The following CCPG1 variants were observed in gnomAD, a reference collection of about 807,000 sequenced individuals.
The protein encoded by CCPG1 is cell cycle progression protein 1.
Under a neutral mutation model 81.3 loss-of-function variants are expected in CCPG1, and 46 were observed. The observed-to-expected ratio is 0.57, with a 90% CI of 0.45 to 0.72. The LOEUF is 0.72. Ranked by LOEUF, CCPG1 falls within the 30% of genes least tolerant of loss-of-function variation. The pLI is 0.00. For missense variants in CCPG1, 902 were observed against 937.6 expected (o/e 0.96, Z 0.50); for synonymous variants, 330 against 305.2 (o/e 1.08, Z -0.85).
intron 6 of CCPG1, among the ~76,000 whole-genome samples, chr15:55,367,854 C>G (rs1013082033): frequency 2.6e-5 from 4 of 152,066 alleles, no homozygotes. Context: ...ACTGTTATTC[C>G]AATTGTCAAG....
intron 3 of CCPG1, among the ~76,000 whole-genome samples, chr15:55,385,168 C>G (rs916973287): frequency 6.6e-6 from 1 of 152,080 alleles, no homozygotes; most frequent in Non-Finnish European, 1.5e-5. Flanking sequence ...TGAAGTTTTT[C>G]TTTGTTTGTT....
At chr15:55,382,796 A>C (rs2056727555) in intron 3 of CCPG1, among the ~76,000 whole-genome samples, 1 of 152,036 alleles carries the variant, frequency 6.6e-6, no homozygotes, top group South Asian at 2.1e-4. Context: ...GGCATGAGCC[A>C]CCACACCCGA....
At chr15:55,376,707 A>C (rs2056573412) in intron 5 of CCPG1, among the ~76,000 whole-genome samples, 1 of 152,200 alleles carries the variant, frequency 6.6e-6, no homozygotes, top group African/African-American at 2.4e-5. Flanking sequence ...ATCTCACTGA[A>C]GCAATTTTGT....
At chr15:55,358,693 C>T (rs1464890087) in intron 8 of CCPG1, 53 of 985,268 alleles carry the variant, frequency 5.4e-5, no homozygotes, top group Non-Finnish European at 6.3e-5. Flanking sequence ...GCCACCATGC[C>T]CCATACCTTA....
chr15:55,368,283 T>G (rs1030071790), intron 6 of CCPG1, among the ~76,000 whole-genome samples: 1 of 152,174 alleles, frequency 6.6e-6, no homozygotes, highest in Non-Finnish European at 1.5e-5. Context: ...CAAGCAGTCT[T>G]TTCACTGCTC....
intron 1 of CCPG1, among the ~76,000 whole-genome samples, chr15:55,398,561 A>AG (rs2057066122): frequency 6.6e-6 from 1 of 152,120 alleles, no homozygotes. Context: ...GAAAGGGAAG[A>AG]GGATACAAGA....
At chr15:55,401,310 T>G (rs2057124648) in intron 1 of CCPG1, among the ~76,000 whole-genome samples, 1 of 152,206 alleles carries the variant, frequency 6.6e-6, no homozygotes, top group Non-Finnish European at 1.5e-5. Context: ...AACGCTGGTT[T>G]AATTGCTATG....
At chr15:55,383,444 TAA>T (rs2141298022) in intron 3 of CCPG1, among the ~76,000 whole-genome samples, 1 of 152,330 alleles carries the variant, frequency 6.6e-6, no homozygotes, top group Admixed American at 6.5e-5. Flanking sequence ...GGCTTCAACT[TAA>T]AGTCACCAGC....
intron 8 of CCPG1, chr15:55,359,261 G>A (rs1221912803): frequency 9.1e-7 from 1 of 1,101,754 alleles, no homozygotes; most frequent in African/African-American, 1.6e-5. Context: ...AAACAAACTT[G>A]GCCAAAGTAG....
chr15:55,356,137 G>T lies in CCPG1; in HGVS notation c.*83C>A, dbSNP rs563075104. ...CAAAAGAAAAGACATTGTCATCTTGGTAATTTCATTAGTTTCAATACCAAA... is the reference window on the plus strand; with the variant it reads ...CAAAAGAAAAGACATTGTCATCTTGTTAATTTCATTAGTTTCAATACCAAA... On this transcript the variant is annotated 3_prime_UTR_variant, in exon 9 of 9. Transcript: ENST00000442196. 949 of 976,340 alleles carry T rather than the reference G, an allele frequency of 9.7e-4. 1 individual carries two copies. Among genetic ancestry groups the T allele is most frequent in the Non-Finnish European group, 1.3e-3 (871 of 674,404 alleles). The allele number at this position is 976,340 out of a possible 1,614,324, so 60.5% of individuals were successfully genotyped here.
chr15:55,396,968 G>A (rs1178765796), intron 1 of CCPG1, among the ~76,000 whole-genome samples: 3 of 152,288 alleles, frequency 2.0e-5, no homozygotes, highest in South Asian at 2.1e-4. Flanking sequence ...ACTCCAGGCC[G>A]AGGTGGGCGG....
chr15:55,355,298 T>A lies in CCPG1; in HGVS notation c.*922A>T. ...TATTTGCTTCTAGGAAATAAGCGCTTTCCTAATTTCAAGCAATTATAAAAG... is the reference window on the plus strand; with the variant it reads ...TATTTGCTTCTAGGAAATAAGCGCTATCCTAATTTCAAGCAATTATAAAAG... On this transcript the variant is annotated 3_prime_UTR_variant, in exon 9 of 9. Transcript: ENST00000442196. 2.5e-6 allele frequency: 4 copies of A among 1,608,224 alleles called. No individual in the cohort carries two copies. The highest frequency in any genetic ancestry group is 3.4e-6 in the Non-Finnish European group (4 of 1,177,020).
chr15:55,376,641 C>T (rs759704888), intron 5 of CCPG1, among the ~76,000 whole-genome samples: 1 of 152,186 alleles, frequency 6.6e-6, no homozygotes, highest in Non-Finnish European at 1.5e-5. Flanking sequence ...CAATCTCCCA[C>T]TCTTAAAGAT....
intron 1 of CCPG1, among the ~76,000 whole-genome samples, chr15:55,399,428 A>C (rs1410910661): frequency 2.0e-5 from 3 of 150,920 alleles, no homozygotes; most frequent in East Asian, 3.9e-4. Context: ...AAAAAAAAAA[A>C]AAAAAAAAAA....
intron 1 of CCPG1, among the ~76,000 whole-genome samples, chr15:55,396,623 T>C (rs1033799506): frequency 1.3e-5 from 2 of 152,232 alleles, no homozygotes; most frequent in Non-Finnish European, 2.9e-5. Context: ...CTTAGACTTA[T>C]GTCGACAAAA....
At chr15:55,407,826 G>T (rs1394880154) in intron 1 of CCPG1, 1 of 152,326 alleles carries the variant, frequency 6.6e-6, no homozygotes, top group Non-Finnish European at 1.5e-5. Context: ...ACCCGGCAGG[G>T]TGACGCACAT....
At chr15:55,391,125 T>C (rs1335933732) in intron 1 of CCPG1, among the ~76,000 whole-genome samples, 1 of 152,254 alleles carries the variant, frequency 6.6e-6, no homozygotes, top group Admixed American at 6.5e-5. Flanking sequence ...CTATATTTCT[T>C]TTCTTTATTT....
Position 55,355,759 on chromosome 15 carries a change from C to G in CCPG1, c.*461G>C, listed in dbSNP as rs963438379. On this transcript the variant is annotated 3_prime_UTR_variant, in exon 9 of 9. Coordinates refer to ENST00000442196, the MANE Select transcript of CCPG1 (RefSeq NM_001204450.2). ...AGCAAATTCTTCACAAGTCAGAGGG[C>G]TCTTGAACCCACAAAAAGACAAGAA... 8.7e-6 allele frequency: 2 copies of G among 229,138 alleles called. No individual in the cohort carries two copies. Among genetic ancestry groups the G allele is most frequent in the Non-Finnish European group, 1.7e-5 (2 of 119,616 alleles). 14.2% of individuals were successfully genotyped at this position (229,138 alleles called of 1,614,324 possible).
intron 7 of CCPG1, among the ~76,000 whole-genome samples, chr15:55,362,607 G>C (rs2056225900): frequency 6.6e-6 from 1 of 152,198 alleles, no homozygotes; most frequent in African/African-American, 2.4e-5. Context: ...GCCACAGGAT[G>C]AAAGAAGAGT....
Sources: gnomAD v4.1 joint callset for allele counts (sites outside exome capture counted in the v4.1 genomes callset) on GRCh38, gnomAD v4.1.1 for gene constraint, MANE v1.5 for transcripts, NCBI Gene and HGNC (gene_info 2026-07-23, HGNC 2026-07-21) for gene names.